The following TCF12 variants were observed in gnomAD, a reference collection of about 807,000 sequenced individuals.
TCF12 encodes transcription factor 12.
TCF12 carries 45 observed loss-of-function variants against 86.0 expected under a neutral mutation model. The observed-to-expected ratio is 0.52, with a 90% CI of 0.41 to 0.67. The LOEUF (loss-of-function observed/expected upper bound fraction) is 0.67, where lower values mean the gene tolerates loss of function less well. TCF12 is among the 30% of genes least tolerant of loss of function. TCF12 has a pLI of 0.00. For missense variants in TCF12, 881 were observed against 859.9 expected (o/e 1.02, Z -0.31); for synonymous variants, 330 against 299.6 (o/e 1.10, Z -1.05).
In TCF12 at chr15:57,208,390, T is replaced by TTTTTTTTTC. The variant is rs1477953202; in HGVS notation, c.579+10573_579+10574insCTTTTTTTT. Among the ~76,000 whole-genome samples the TTTTTTTTTC allele has an allele frequency of 6.9e-5, 5 of 72,084 alleles. 1 individual carries two copies. Among genetic ancestry groups the TTTTTTTTTC allele is most frequent in the Non-Finnish European group, 1.1e-4 (4 of 35,786 alleles). The allele number at this position is 72,084 out of a possible 152,430, so 47.3% of individuals were successfully genotyped here. A position where few individuals can be genotyped will look rare whatever the true frequency, so the allele number is the denominator to read the frequency against. ...TTGGACAAAAATATCCTTTTTTTTT[T>TTTTTTTTTC]TTTTTTTTTGGAGACAGAGTCTCAC... is the stretch of plus-strand genomic sequence containing the variant. On this transcript the variant is annotated intron_variant, in intron 8 of 20. Transcript: ENST00000333725.
chr15:57,206,582 C>CTTTTTTTTTTTT (rs67531540), intron 8 of TCF12, among the ~76,000 whole-genome samples: 43 of 83,834 alleles, frequency 5.1e-4, no homozygotes, highest in Admixed American at 8.8e-4. Flanking sequence ...CTTGTATTCT[C>CTTTTTTTTTTTT]TTTTTTTTTT....
In TCF12 at chr15:57,007,784, T is replaced by TTCTC. The variant is rs1205588558; in HGVS notation, c.149-55963_149-55962insCTCT. On this transcript the variant is annotated intron_variant, in intron 3 of 20. Coordinates refer to ENST00000333725, the MANE Select transcript of TCF12 (RefSeq NM_207037.2). ...TTTCTTTCTTTCTTTCTTTCTTTCT[T>TTCTC]TCTTTCTCTCTTTCTTTCTTTCTTT... Among the ~76,000 whole-genome samples the TTCTC allele has an allele frequency of 8.6e-3, 516 of 60,174 alleles. 7 individuals are homozygous for TTCTC. Among genetic ancestry groups the TTCTC allele is most frequent in the African/African-American group, 0.022 (388 of 17,914 alleles). The allele number at this position is 60,174 out of a possible 152,430, so 39.5% of individuals were successfully genotyped here.
At chr15:57,089,524 G>A (rs1170188334) in intron 4 of TCF12, among the ~76,000 whole-genome samples, 1 of 151,050 alleles carries the variant, frequency 6.6e-6, no homozygotes, top group Non-Finnish European at 1.5e-5. Context: ...TAGTCATTTA[G>A]CAACACCATA....
At chr15:57,192,129 T>C (rs2057012549) in intron 6 of TCF12, 29 bp from the exon 7 acceptor site, 1 of 1,609,380 alleles carries the variant, frequency 6.2e-7, no homozygotes, top group African/African-American at 1.3e-5. Flanking sequence ...AGCAGGAAAA[T>C]AACTTGTTTC....
intron 3 of TCF12, among the ~76,000 whole-genome samples, chr15:56,996,043 C>T (rs1310659781): frequency 3.3e-5 from 5 of 152,052 alleles, no homozygotes; most frequent in Admixed American, 1.3e-4. Context: ...TTGAGATGAT[C>T]ATTTGGTTTT....
chr15:57,146,764 A>T (rs779698972), intron 5 of TCF12, among the ~76,000 whole-genome samples: 1 of 152,194 alleles, frequency 6.6e-6, no homozygotes, highest in Non-Finnish European at 1.5e-5. Flanking sequence ...TCACAAATCA[A>T]ATGTGCTCTT....
chr15:56,945,368 G>C (rs1251045627), intron 3 of TCF12, among the ~76,000 whole-genome samples: 1 of 151,808 alleles, frequency 6.6e-6, no homozygotes, highest in East Asian at 1.9e-4. Flanking sequence ...TGTATATTCA[G>C]GTATTCATCT....
chr15:56,992,416 G>A (rs576931261), intron 3 of TCF12, among the ~76,000 whole-genome samples: 11 of 152,148 alleles, frequency 7.2e-5, no homozygotes, highest in Non-Finnish European at 1.0e-4. Flanking sequence ...TCACGTAGCA[G>A]CCAGGGTTTG....
chr15:57,051,094 G>A (rs1018492121), intron 3 of TCF12, among the ~76,000 whole-genome samples: 20 of 152,130 alleles, frequency 1.3e-4, no homozygotes, highest in African/African-American at 4.3e-4. Flanking sequence ...TTTGGCTTTT[G>A]TTAATTTTTG....
At chr15:57,168,379 C>T (rs188607372) in intron 6 of TCF12, among the ~76,000 whole-genome samples, 1 of 152,200 alleles carries the variant, frequency 6.6e-6, no homozygotes, top group Non-Finnish European at 1.5e-5. Context: ...ATCTAGCCCC[C>T]ATTAAGGTAT....
At chr15:57,022,022 T>A (rs1400861439) in intron 3 of TCF12, among the ~76,000 whole-genome samples, 1 of 152,110 alleles carries the variant, frequency 6.6e-6, no homozygotes, top group Non-Finnish European at 1.5e-5. Context: ...ACCCTGGTGA[T>A]CAATATTTGT....
chr15:57,057,159 G>T (rs1349005985), intron 3 of TCF12, among the ~76,000 whole-genome samples: 1 of 152,180 alleles, frequency 6.6e-6, no homozygotes, highest in Non-Finnish European at 1.5e-5. Flanking sequence ...GCTACAAACT[G>T]CCTTGTGCCT....
At chr15:57,100,385 C>T (rs1394172539) in intron 5 of TCF12, among the ~76,000 whole-genome samples, 6 of 150,230 alleles carry the variant, frequency 4.0e-5, no homozygotes, top group African/African-American at 1.2e-4. Context: ...ATTAACAGAT[C>T]TTGCCTCCTA....
intron 16 of TCF12, among the ~76,000 whole-genome samples, chr15:57,257,473 C>G (rs547528484): frequency 4.3e-4 from 66 of 151,750 alleles, no homozygotes; most frequent in Middle Eastern, 3.4e-3. Flanking sequence ...ACCTGGACAA[C>G]AAAGTAAGAA....
At chr15:57,144,738 A>G (rs541610824) in intron 5 of TCF12, among the ~76,000 whole-genome samples, 6 of 152,274 alleles carry the variant, frequency 3.9e-5, no homozygotes, top group African/African-American at 1.4e-4. Flanking sequence ...AGCTGGGACT[A>G]CAGTCACACA....
At chr15:57,102,697 T>C (rs1473225183) in intron 5 of TCF12, among the ~76,000 whole-genome samples, 1 of 152,060 alleles carries the variant, frequency 6.6e-6, no homozygotes, top group Non-Finnish European at 1.5e-5. Context: ...TGGTTGGTGG[T>C]TGTAGTGGTG....
chr15:57,119,206 C>T (rs2051051214), intron 5 of TCF12, among the ~76,000 whole-genome samples: 1 of 152,136 alleles, frequency 6.6e-6, no homozygotes, highest in African/African-American at 2.4e-5. Context: ...GATTCTCCTG[C>T]CTCAGCCTCC....
intron 13 of TCF12, chr15:57,246,943 C>A (rs2059891668): frequency 5.7e-6 from 3 of 530,464 alleles, no homozygotes; most frequent in East Asian, 5.2e-5. Context: ...AGAACTGTAG[C>A]CCTTTTCTGC....
intron 3 of TCF12, among the ~76,000 whole-genome samples, chr15:57,018,698 C>T (rs2065294829): frequency 6.6e-6 from 1 of 152,058 alleles, no homozygotes; most frequent in Non-Finnish European, 1.5e-5. Flanking sequence ...GCCTTGGCCT[C>T]CCAAAGGGCT....
Sources: allele counts gnomAD v4.1 joint callset (sites outside exome capture counted in the v4.1 genomes callset), GRCh38; gene constraint gnomAD v4.1.1; transcripts MANE v1.5; gene names NCBI Gene and HGNC (gene_info 2026-07-23, HGNC 2026-07-21).